Variants in STXBP5L observed in about 807,000 individuals in gnomAD.
STXBP5L encodes syntaxin-binding protein 5-like.
Under a neutral mutation model 144.5 loss-of-function variants are expected in STXBP5L, and 65 were observed. The ratio of observed to expected loss-of-function variants is 0.45; its 90% confidence interval spans 0.37 to 0.55. The LOEUF (loss-of-function observed/expected upper bound fraction) is 0.55, where lower values mean the gene tolerates loss of function less well. Ranked by LOEUF, STXBP5L falls within the 20% of genes least tolerant of loss-of-function variation. The pLI is 0.00. For synonymous variants in STXBP5L, 505 were observed against 469.6 expected, an observed-to-expected ratio of 1.08 and a Z score of -0.97; for missense variants, 1,298 against 1,405.5, an observed-to-expected ratio of 0.92 and a Z score of 1.22.
At chr3:121,191,406 G>A (rs2108165939) in intron 9 of STXBP5L, among the ~76,000 whole-genome samples, 1 of 152,328 alleles carries the variant, frequency 6.6e-6, no homozygotes, top group East Asian at 1.9e-4. Flanking sequence ...AGGCGTGGAG[G>A]CGCACGCCTG....
rs373743477 is a variant in STXBP5L at position 121,187,033 on chromosome 3, G to A, written c.878-18890G>A. Among the ~76,000 whole-genome samples the A allele has an allele frequency of 1.0e-3, 156 of 152,150 alleles. 1 individual carries two copies. In the East Asian group the frequency reaches 0.02, roughly 19 times the overall value. On this transcript the variant is annotated intron_variant, in intron 9 of 26. Transcript: ENST00000471454. ...ATTCCTCAGGGATCTAGAACTAGAAGTACCATTTGACCCAGCCATCCCATT... is the reference window on the plus strand; with the variant it reads ...ATTCCTCAGGGATCTAGAACTAGAAATACCATTTGACCCAGCCATCCCATT...
chr3:120,921,133 A>G lies in STXBP5L; in HGVS notation c.189+11366A>G, dbSNP rs555838800. ...CCCCTCTCTCCACATCCTTGCCAGC[A>G]TTCATTATTACCTGTCTCTTTTATA... On this transcript the variant is annotated intron_variant, in intron 2 of 26. Transcript: ENST00000471454. 2.2e-4 allele frequency among the ~76,000 whole-genome samples: 34 copies of G among 152,044 alleles called. No homozygotes were observed. The East Asian group carries it at 5.6e-3, about 25-fold the overall frequency.
Position 121,165,151 on chromosome 3 carries a change from G to A in STXBP5L, c.877+7524G>A, listed in dbSNP as rs1038631570. On this transcript the variant is annotated intron_variant, in intron 9 of 26. Transcript: ENST00000471454. ...CATGTTGTATACCTTAAATATATAC[G>A]ATAAAATTTACTTTTAAAAATGAAG... 2.0e-5 allele frequency among the ~76,000 whole-genome samples: 3 copies of A among 152,164 alleles called. No individual in the cohort carries two copies. The East Asian group carries it at 5.8e-4, about 29-fold the overall frequency.
chr3:120,943,862 A>C (rs1710699172), intron 2 of STXBP5L, among the ~76,000 whole-genome samples: 1 of 148,896 alleles, frequency 6.7e-6, no homozygotes, highest in African/African-American at 2.5e-5. Flanking sequence ...AGTATCTTAT[A>C]TAGTTTATTT....
intron 3 of STXBP5L, among the ~76,000 whole-genome samples, chr3:120,995,663 A>T (rs779418533): frequency 1.3e-5 from 2 of 152,026 alleles, no homozygotes; most frequent in African/African-American, 4.8e-5. Flanking sequence ...GAGGCATGGA[A>T]ACCTTACTTC....
chr3:121,094,917 T>C (rs2107752848), intron 5 of STXBP5L, among the ~76,000 whole-genome samples: 1 of 152,296 alleles, frequency 6.6e-6, no homozygotes, highest in Non-Finnish European at 1.5e-5. Flanking sequence ...GTACTGGTTG[T>C]TCCTCTCCAT....
chr3:121,359,143 G>A (rs1211436626), intron 20 of STXBP5L, among the ~76,000 whole-genome samples: 1 of 152,054 alleles, frequency 6.6e-6, no homozygotes, highest in African/African-American at 2.4e-5. Context: ...TTGGATATAA[G>A]CCATTTTAAC....
chr3:121,308,540 A>T (rs1338282136), intron 19 of STXBP5L, among the ~76,000 whole-genome samples: 2 of 152,218 alleles, frequency 1.3e-5, no homozygotes, highest in Non-Finnish European at 2.9e-5. Context: ...AAAGCAATTT[A>T]TAAAACAACA....
chr3:121,195,847 T>C (rs2047898378), intron 9 of STXBP5L, among the ~76,000 whole-genome samples: 1 of 152,196 alleles, frequency 6.6e-6, no homozygotes, highest in Non-Finnish European at 1.5e-5. Context: ...GGGCACACAG[T>C]AGGATCCAAG....
intron 3 of STXBP5L, among the ~76,000 whole-genome samples, chr3:121,020,607 T>C (rs932481440): frequency 6.6e-6 from 1 of 152,174 alleles, no homozygotes; most frequent in Non-Finnish European, 1.5e-5. Context: ...TTCCTATCTT[T>C]AGTTTCCTTA....
At chr3:121,418,910 G>T in intron 26 of STXBP5L, 146 bp from the exon 27 acceptor site, 1 of 817,378 alleles carries the variant, frequency 1.2e-6, no homozygotes, top group Non-Finnish European at 1.9e-6. Context: ...TTTCTCATAT[G>T]CACTTTATTT....
chr3:121,066,315 C>T (rs2041539829), intron 5 of STXBP5L, among the ~76,000 whole-genome samples: 1 of 151,144 alleles, frequency 6.6e-6, no homozygotes, highest in South Asian at 2.1e-4. Flanking sequence ...GGTAGACGTT[C>T]TTTGTAAGAT....
intron 22 of STXBP5L, among the ~76,000 whole-genome samples, chr3:121,393,052 T>G (rs763359046): frequency 6.6e-6 from 1 of 152,008 alleles, no homozygotes; most frequent in Non-Finnish European, 1.5e-5. Flanking sequence ...CCACCAATAC[T>G]GTATAAGCGT....
At chr3:120,993,301 G>A (rs1373580492) in intron 3 of STXBP5L, among the ~76,000 whole-genome samples, 1 of 151,940 alleles carries the variant, frequency 6.6e-6, no homozygotes, top group Non-Finnish European at 1.5e-5. Flanking sequence ...CTCTGCAGTA[G>A]GTTTTCAATT....
At chr3:121,026,579 C>A (rs943749457) in intron 3 of STXBP5L, among the ~76,000 whole-genome samples, 1 of 151,900 alleles carries the variant, frequency 6.6e-6, no homozygotes, top group African/African-American at 2.4e-5. Flanking sequence ...TAATTTATGA[C>A]CTTAGCTAAT....
chr3:120,959,551 G>A (rs1168924322), intron 3 of STXBP5L, among the ~76,000 whole-genome samples: 1 of 152,168 alleles, frequency 6.6e-6, no homozygotes, highest in Non-Finnish European at 1.5e-5. Context: ...TACCAAAACA[G>A]AGATATAGAC....
chr3:121,125,639 C>A (rs995683279), intron 7 of STXBP5L, among the ~76,000 whole-genome samples: 1 of 152,104 alleles, frequency 6.6e-6, no homozygotes, highest in Admixed American at 6.6e-5. Context: ...TGCTTGAATT[C>A]TCTTAGCTTC....
intron 20 of STXBP5L, among the ~76,000 whole-genome samples, chr3:121,361,597 G>T (rs1427673127): frequency 2.0e-5 from 3 of 151,736 alleles, no homozygotes; most frequent in African/African-American, 7.3e-5. Flanking sequence ...TCTTCAGTAT[G>T]CCAGTTGCAT....
At chr3:121,380,088 G>A (rs2046288889) in intron 21 of STXBP5L, among the ~76,000 whole-genome samples, 1 of 152,060 alleles carries the variant, frequency 6.6e-6, no homozygotes, top group Non-Finnish European at 1.5e-5. Context: ...GTTACAGACA[G>A]GCATTAGCCA....
Sources: allele counts gnomAD v4.1 joint callset (sites outside exome capture counted in the v4.1 genomes callset), GRCh38; gene constraint gnomAD v4.1.1; transcripts MANE v1.5; gene names NCBI Gene and HGNC (gene_info 2026-07-23, HGNC 2026-07-21).